The following DENND1B variants were observed in gnomAD, a reference collection of about 807,000 sequenced individuals.
DENND1B encodes DENN domain-containing protein 1B.
In DENND1B, 59 loss-of-function variants were observed where a neutral mutation model predicts 90.1. That is an observed-to-expected ratio of 0.65 (90% CI 0.53 to 0.81). The LOEUF (loss-of-function observed/expected upper bound fraction) is 0.81. Ranked by LOEUF, DENND1B falls within the 40% of genes least tolerant of loss-of-function variation. The pLI is 0.00. For missense variants in DENND1B, 862 were observed against 912.6 expected (o/e 0.94, Z 0.71); for synonymous variants, 337 against 324.6 (o/e 1.04, Z -0.41).
Position 197,611,987 on chromosome 1 carries a change from AAT to A in DENND1B, c.774-13_774-12del. ...TATGGCATTGGGGCACTAAATTAAA[AAT>A]ATATATATGCATAGATTCATATAGT... On this transcript the variant is annotated splice_polypyrimidine_tract_variant and intron_variant, in intron 11 of 22. Transcript: ENST00000620048. 1 of 1,592,582 alleles carries A rather than the reference AAT, an allele frequency of 6.3e-7. No individual in the cohort carries two copies. The highest frequency in any genetic ancestry group is 8.6e-7 in the Non-Finnish European group (1 of 1,163,362).
At chr1:197,665,894 A>G (rs1654892794) in intron 5 of DENND1B, among the ~76,000 whole-genome samples, 1 of 152,142 alleles carries the variant, frequency 6.6e-6, no homozygotes, top group Non-Finnish European at 1.5e-5. Flanking sequence ...AACATCAATT[A>G]ATTTCTGTCC....
At chr1:197,665,430 T>C (rs1364670480) in intron 5 of DENND1B, among the ~76,000 whole-genome samples, 1 of 152,118 alleles carries the variant, frequency 6.6e-6, no homozygotes, top group Non-Finnish European at 1.5e-5. Context: ...ACTAGAATAG[T>C]TTTTTGGGTT....
intron 7 of DENND1B, among the ~76,000 whole-genome samples, chr1:197,651,159 G>A (rs180875195): frequency 7.2e-5 from 11 of 151,842 alleles, no homozygotes; most frequent in Admixed American, 3.9e-4. Context: ...TTTCTCTTGC[G>A]ACATTATATT....
At chr1:197,765,735 T>C (rs1266659892) in intron 2 of DENND1B, among the ~76,000 whole-genome samples, 2 of 152,152 alleles carry the variant, frequency 1.3e-5, no homozygotes, top group Non-Finnish European at 1.5e-5. Context: ...CATTTTACAG[T>C]GGAAATCATG....
At chr1:197,714,091 C>G (rs556126238) in intron 3 of DENND1B, among the ~76,000 whole-genome samples, 72 of 149,832 alleles carry the variant, frequency 4.8e-4, no homozygotes, top group African/African-American at 1.5e-3. Context: ...ATTCTCCTGC[C>G]TCAGCCTCCC....
intron 3 of DENND1B, chr1:197,690,151 C>A: frequency 3.6e-6 from 1 of 276,188 alleles, no homozygotes. Flanking sequence ...CACCAAAAAG[C>A]TTTGAGTGAA....
intron 3 of DENND1B, among the ~76,000 whole-genome samples, chr1:197,692,805 G>A (rs982887356): frequency 3.3e-5 from 5 of 151,646 alleles, no homozygotes; most frequent in African/African-American, 1.2e-4. Context: ...ATAGGTTGGG[G>A]CCTATAAAAG....
chr1:197,584,479 A>G (rs1332344354), intron 14 of DENND1B, among the ~76,000 whole-genome samples: 1 of 152,246 alleles, frequency 6.6e-6, no homozygotes, highest in Admixed American at 6.5e-5. Context: ...CAGCACAGAT[A>G]TAGAACATTT....
intron 3 of DENND1B, among the ~76,000 whole-genome samples, chr1:197,696,553 C>G (rs1658450498): frequency 6.6e-6 from 1 of 151,480 alleles, no homozygotes; most frequent in Non-Finnish European, 1.5e-5. Context: ...TACCTAACCC[C>G]TCTGCTAAGT....
intron 15 of DENND1B, among the ~76,000 whole-genome samples, chr1:197,582,251 A>G (rs899498664): frequency 6.6e-6 from 1 of 152,166 alleles, no homozygotes; most frequent in Non-Finnish European, 1.5e-5. Context: ...AATTGTTGCC[A>G]TGCTGACTTC....
At chr1:197,574,024 C>G (rs1217882985) in intron 15 of DENND1B, among the ~76,000 whole-genome samples, 29 of 152,132 alleles carry the variant, frequency 1.9e-4, no homozygotes. Flanking sequence ...AGCATTCCCT[C>G]TGAAAACCAG....
intron 6 of DENND1B, among the ~76,000 whole-genome samples, chr1:197,655,624 C>T (rs974383853): frequency 3.3e-5 from 5 of 152,072 alleles, no homozygotes; most frequent in African/African-American, 4.8e-5. Context: ...CTCCGCCTCC[C>T]GGGTTCATGC....
At chr1:197,539,922 T>C in intron 20 of DENND1B, 42 bp downstream of exon 20, 1 of 1,433,660 alleles carries the variant, frequency 7.0e-7, no homozygotes, top group East Asian at 2.3e-5. Flanking sequence ...AATTATATAA[T>C]TTGAGAATGT....
At chr1:197,642,626 G>A (rs772539139) in intron 10 of DENND1B, 85 bp downstream of exon 10, 10 of 858,986 alleles carry the variant, frequency 1.2e-5, no homozygotes, top group Admixed American at 2.5e-5. Flanking sequence ...AGTACACATA[G>A]CACATTTCTA....
chr1:197,636,254 TG>T (rs1679781048), intron 10 of DENND1B, among the ~76,000 whole-genome samples: 1 of 151,932 alleles, frequency 6.6e-6, no homozygotes, highest in Admixed American at 6.6e-5. Flanking sequence ...GTATTCAAAA[TG>T]AGAGAAAGGT....
chr1:197,512,802 C>T, intron 21 of DENND1B, 69 bp downstream of exon 21: 1 of 1,432,026 alleles, frequency 7.0e-7, no homozygotes, highest in South Asian at 1.2e-5. Flanking sequence ...CTTTGAAATA[C>T]CCTTTATCAC....
intron 20 of DENND1B, among the ~76,000 whole-genome samples, chr1:197,538,278 A>G (rs1055355842): frequency 2.0e-5 from 3 of 152,200 alleles, no homozygotes; most frequent in Non-Finnish European, 4.4e-5. Flanking sequence ...GCTTGAAAAC[A>G]GACAAGAATT....
chr1:197,680,145 TC>T (rs1196966283), intron 3 of DENND1B, among the ~76,000 whole-genome samples: 1 of 152,006 alleles, frequency 6.6e-6, no homozygotes, highest in Non-Finnish European at 1.5e-5. Flanking sequence ...AAAAGTTGTG[TC>T]CCCAGGTTAA....
intron 2 of DENND1B, among the ~76,000 whole-genome samples, chr1:197,715,701 G>C (rs931008547): frequency 1.3e-5 from 2 of 151,630 alleles, no homozygotes; most frequent in African/African-American, 2.4e-5. Context: ...GTTTTATCTA[G>C]TAATTAATAT....
Sources: gnomAD v4.1 joint callset for allele counts (sites outside exome capture counted in the v4.1 genomes callset) on GRCh38, gnomAD v4.1.1 for gene constraint, MANE v1.5 for transcripts, NCBI Gene and HGNC (gene_info 2026-07-23, HGNC 2026-07-21) for gene names.